COL26A1: variants seen among roughly 807,000 people sequenced by gnomAD.
The protein encoded by COL26A1 is collagen alpha-1(XXVI) chain.
A neutral mutation model predicts 59.3 loss-of-function variants in COL26A1; 41 were observed. The observed-to-expected ratio is 0.69, with a 90% confidence interval of 0.54 to 0.90. The LOEUF is 0.90. Among genes scored for constraint, COL26A1 ranks in the 40% least tolerant of loss-of-function variants. The pLI, the probability that COL26A1 is intolerant of heterozygous loss-of-function variation, is 0.00. For synonymous variants in COL26A1, 266 were observed against 256.0 expected, an observed-to-expected ratio of 1.04 and a Z score of -0.37; for missense variants, 612 against 602.3, an observed-to-expected ratio of 1.02 and a Z score of -0.17.
chr7:101,504,195 G>C (rs1794760484), intron 3 of COL26A1, among the ~76,000 whole-genome samples: 1 of 152,218 alleles, frequency 6.6e-6, no homozygotes, highest in East Asian at 1.9e-4. Context: ...CTGTCTCCTG[G>C]GTTCAAGCGA....
chr7:101,385,386 T>TATATATATATATA (rs58580713), intron 1 of COL26A1, among the ~76,000 whole-genome samples: 6 of 149,790 alleles, frequency 4.0e-5, no homozygotes, highest in Non-Finnish European at 5.9e-5. Flanking sequence ...TATATATATA[T>TATATATATATATA]TTGTGACGGA....
chr7:101,362,891 C>T lies in COL26A1; in HGVS notation c.-142C>T. 1.2e-6 allele frequency: 1 copy of T among 825,090 alleles called. No homozygotes were observed. Among genetic ancestry groups the T allele is most frequent in the Non-Finnish European group, 1.8e-6 (1 of 564,596 alleles). The allele number at this position is 825,090 out of a possible 1,614,324, so 51.1% of individuals were successfully genotyped here. A position where few individuals can be genotyped will look rare whatever the true frequency, so the allele number is the denominator to read the frequency against. ...GGCGTGGGCGCCCCCCACACATTTC[C>T]AGCTCGCACCCGGGCTCCGACCGCT... On this transcript the variant is annotated 5_prime_UTR_variant, in exon 1 of 13. Transcript: ENST00000313669.
intron 1 of COL26A1, among the ~76,000 whole-genome samples, chr7:101,392,191 G>T (rs1246200534): frequency 6.6e-6 from 1 of 152,074 alleles, no homozygotes. Flanking sequence ...GGGCCGTGAG[G>T]GTGGCGGGTG....
intron 2 of COL26A1, among the ~76,000 whole-genome samples, chr7:101,431,332 A>G (rs1792773973): frequency 6.6e-6 from 1 of 152,128 alleles, no homozygotes; most frequent in Non-Finnish European, 1.5e-5. Flanking sequence ...AGCTCACTGC[A>G]GCCTGCAGCC....
intron 1 of COL26A1, among the ~76,000 whole-genome samples, chr7:101,412,644 C>CA (rs55967503): frequency 3.6e-3 from 316 of 87,654 alleles, no homozygotes; most frequent in African/African-American, 5.5e-3. Flanking sequence ...GACTCCGTCT[C>CA]AAAAAAAAAA....
At chr7:101,487,091 A>C (rs1263865412) in intron 3 of COL26A1, among the ~76,000 whole-genome samples, 2 of 152,166 alleles carry the variant, frequency 1.3e-5, no homozygotes, top group Non-Finnish European at 2.9e-5. Flanking sequence ...GGGAAGATGC[A>C]GGGCGGGGAG....
intron 1 of COL26A1, among the ~76,000 whole-genome samples, chr7:101,408,017 C>T (rs1184224148): frequency 1.3e-5 from 2 of 152,190 alleles, no homozygotes; most frequent in Non-Finnish European, 2.9e-5. Flanking sequence ...AAGAGCAGAA[C>T]GTCTGCTGCT....
At chr7:101,455,434 T>C (rs1195991229) in intron 3 of COL26A1, among the ~76,000 whole-genome samples, 1 of 151,978 alleles carries the variant, frequency 6.6e-6, no homozygotes, top group Non-Finnish European at 1.5e-5. Context: ...GTGAGAAGCC[T>C]CCAGATCTTT....
intron 3 of COL26A1, among the ~76,000 whole-genome samples, chr7:101,468,330 T>C (rs989817475): frequency 6.6e-6 from 1 of 152,118 alleles, no homozygotes; most frequent in Non-Finnish European, 1.5e-5. Context: ...GAAATTATTT[T>C]GCAGCTGCTT....
chr7:101,466,909 G>C lies in COL26A1; in HGVS notation c.385+19122G>C, dbSNP rs1422619610. ...CTCAGTATGGATCCCCTGAGTACCA[G>C]AAAGCACCCTGTCAGGTAGAGGGTG... On this transcript the variant is annotated intron_variant, in intron 3 of 12. Coordinates refer to ENST00000313669, the MANE Select transcript of COL26A1 (RefSeq NM_001278563.3). Among the ~76,000 whole-genome samples the C allele has an allele frequency of 2.0e-5, 3 of 151,370 alleles. No individual in the cohort carries two copies. In the Admixed American group the frequency reaches 2.0e-4, roughly 10 times the overall value.
intron 12 of COL26A1, 23 bp downstream of exon 12, chr7:101,555,894 G>C (rs755223132): frequency 8.2e-6 from 13 of 1,577,182 alleles, no homozygotes; most frequent in African/African-American, 4.0e-5. Context: ...CAGGATCAGC[G>C]GGCTGGGAAT....
At chr7:101,520,662 ACC>A (rs1554340998) in intron 3 of COL26A1, among the ~76,000 whole-genome samples, 17 of 143,342 alleles carry the variant, frequency 1.2e-4, no homozygotes, top group African/African-American at 3.6e-4. Flanking sequence ...ACACACACAC[ACC>A]CCCGTGTTCT....
At chr7:101,368,319 G>C (rs981011541) in intron 1 of COL26A1, among the ~76,000 whole-genome samples, 3 of 152,204 alleles carry the variant, frequency 2.0e-5, no homozygotes, top group Non-Finnish European at 4.4e-5. Flanking sequence ...GGATCGCAAA[G>C]TGGATGCAAG....
rs568924552 is a variant in COL26A1 at position 101,394,590 on chromosome 7, T to C, written c.159-25387T>C. ...CCTAGCTATTTTTTTCTTTTCTTTT[T>C]TTTTTTTTTTTTTGTAGAGATGGGG... is the stretch of plus-strand genomic sequence containing the variant. On this transcript the variant is annotated intron_variant, in intron 1 of 12. Coordinates refer to ENST00000313669, the MANE Select transcript of COL26A1 (RefSeq NM_001278563.3). Among the ~76,000 whole-genome samples, 401 of 144,942 alleles carry C rather than the reference T, an allele frequency of 2.8e-3. 1 individual carries two copies. The highest frequency in any genetic ancestry group is 9.1e-3 in the African/African-American group (360 of 39,384).
rs1236335512 is a variant in COL26A1, at chr7:101,558,149, G to C, written c.*619G>C. 6.6e-6 allele frequency: 1 copy of C among 152,442 alleles called. No homozygotes were observed. Among genetic ancestry groups the C allele is most frequent in the Non-Finnish European group, 1.5e-5 (1 of 68,206 alleles). The allele number at this position is 152,442 out of a possible 1,614,324, so 9.4% of individuals were successfully genotyped here. ...GAGGCTGGGCCAGCCAGCCTGAGGGGGTAGGCAGGGTCCTGCAGGGCCTGG... is the reference window on the plus strand; with the variant it reads ...GAGGCTGGGCCAGCCAGCCTGAGGGCGTAGGCAGGGTCCTGCAGGGCCTGG... On this transcript the variant is annotated 3_prime_UTR_variant, in exon 13 of 13. Transcript: ENST00000313669.
chr7:101,493,187 C>T (rs1020004953), intron 3 of COL26A1, among the ~76,000 whole-genome samples: 2 of 152,178 alleles, frequency 1.3e-5, no homozygotes, highest in Non-Finnish European at 2.9e-5. Flanking sequence ...CCCCATCTCA[C>T]TGCAAGAAGC....
chr7:101,460,849 G>T (rs575201916), intron 3 of COL26A1, among the ~76,000 whole-genome samples: 266 of 152,016 alleles, frequency 1.7e-3, no homozygotes, highest in Middle Eastern at 0.01. Context: ...TTTGCTGTTG[G>T]CTTTTCTCAG....
At chr7:101,498,193 G>A (rs1354025166) in intron 3 of COL26A1, among the ~76,000 whole-genome samples, 5 of 152,170 alleles carry the variant, frequency 3.3e-5, no homozygotes, top group African/African-American at 7.2e-5. Context: ...TCAGCAGGTC[G>A]GATAAGGATC....
chr7:101,502,298 C>T (rs2130562056), intron 3 of COL26A1, among the ~76,000 whole-genome samples: 1 of 152,286 alleles, frequency 6.6e-6, no homozygotes, highest in Non-Finnish European at 1.5e-5. Flanking sequence ...GCCGAGATCG[C>T]ACCACTGCAC....
Sources: allele counts gnomAD v4.1 joint callset (sites outside exome capture counted in the v4.1 genomes callset), GRCh38; gene constraint gnomAD v4.1.1; transcripts MANE v1.5; gene names NCBI Gene and HGNC (gene_info 2026-07-23, HGNC 2026-07-21).